The following STXBP6 variants were observed in gnomAD, a reference collection of about 807,000 sequenced individuals.
STXBP6 encodes syntaxin-binding protein 6.
A neutral mutation model predicts 26.9 loss-of-function variants in STXBP6; 21 were observed. That is an observed-to-expected ratio of 0.78 (90% CI 0.55 to 1.12). The LOEUF (loss-of-function observed/expected upper bound fraction) is 1.12. Ranked by LOEUF, STXBP6 falls within the 50% of genes most tolerant of loss-of-function variation. The pLI, the probability that STXBP6 is intolerant of heterozygous loss-of-function variation, is 0.00. For missense variants in STXBP6, 232 were observed against 257.9 expected (o/e 0.90, Z 0.69); for synonymous variants, 97 against 92.6 (o/e 1.05, Z -0.27).
At chr14:24,946,411 A>G (rs557999229) in intron 2 of STXBP6, among the ~76,000 whole-genome samples, 30 of 152,342 alleles carry the variant, frequency 2.0e-4, no homozygotes, top group African/African-American at 6.3e-4. Context: ...CAATGGAGAC[A>G]AAACCAAAAG....
At chr14:24,883,449 T>C (rs2070450187) in intron 2 of STXBP6, among the ~76,000 whole-genome samples, 1 of 152,214 alleles carries the variant, frequency 6.6e-6, no homozygotes, top group Non-Finnish European at 1.5e-5. Context: ...TATACCACTA[T>C]TACTTTGGTA....
At chr14:24,878,804 G>T (rs2070244538) in intron 2 of STXBP6, 6 of 452,536 alleles carry the variant, frequency 1.3e-5, no homozygotes, top group Admixed American at 9.4e-5. Context: ...CTTTGAAGCT[G>T]ACTTGATATC....
At chr14:24,862,371 G>A (rs768085772) in intron 2 of STXBP6, among the ~76,000 whole-genome samples, 1 of 152,010 alleles carries the variant, frequency 6.6e-6, no homozygotes, top group Non-Finnish European at 1.5e-5. Flanking sequence ...CAACAAAAAC[G>A]GTGGTACTTC....
intron 2 of STXBP6, among the ~76,000 whole-genome samples, chr14:24,929,752 C>A (rs1435799614): frequency 6.6e-6 from 1 of 152,170 alleles, no homozygotes; most frequent in Non-Finnish European, 1.5e-5. Flanking sequence ...GTCAAATGAC[C>A]TCTCCTTCGC....
chr14:24,834,683 T>C (rs907434161), intron 4 of STXBP6, among the ~76,000 whole-genome samples: 9 of 152,130 alleles, frequency 5.9e-5, no homozygotes, highest in Admixed American at 3.9e-4. Flanking sequence ...GATTAGACCA[T>C]TGTAAATATT....
chr14:24,894,035 T>C (rs2139563448), intron 2 of STXBP6, among the ~76,000 whole-genome samples: 1 of 152,332 alleles, frequency 6.6e-6, no homozygotes, highest in East Asian at 1.9e-4. Context: ...ACAGGTTCTA[T>C]GGTAAAAGTA....
At chr14:25,014,464 C>CTAAA (rs1639750705) in intron 1 of STXBP6, among the ~76,000 whole-genome samples, 1 of 152,036 alleles carries the variant, frequency 6.6e-6, no homozygotes, top group Non-Finnish European at 1.5e-5. Flanking sequence ...GACCCTGTCT[C>CTAAA]TAAATAAATA....
At chr14:24,963,111 C>T (rs1237248967) in intron 2 of STXBP6, among the ~76,000 whole-genome samples, 2 of 151,980 alleles carry the variant, frequency 1.3e-5, no homozygotes, top group Non-Finnish European at 2.9e-5. Flanking sequence ...TTTTTTTCCC[C>T]TTGGTTTCAT....
At chr14:24,872,656 G>A (rs770389252) in intron 2 of STXBP6, among the ~76,000 whole-genome samples, 3 of 152,190 alleles carry the variant, frequency 2.0e-5, no homozygotes, top group Non-Finnish European at 4.4e-5. Flanking sequence ...GGAAGTCAAC[G>A]AGAGTAGGGA....
intron 2 of STXBP6, among the ~76,000 whole-genome samples, chr14:24,965,190 G>C (rs2073694628): frequency 6.6e-6 from 1 of 151,972 alleles, no homozygotes; most frequent in Admixed American, 6.6e-5. Context: ...AGACTGGAGA[G>C]GATGCAAACC....
intron 1 of STXBP6, among the ~76,000 whole-genome samples, chr14:25,011,268 C>T (rs1595310865): frequency 6.6e-6 from 1 of 152,168 alleles, no homozygotes; most frequent in Non-Finnish European, 1.5e-5. Context: ...GACACACAGG[C>T]TCTGATCCAA....
chr14:24,912,441 CAAAAA>C (rs373713561), intron 2 of STXBP6, among the ~76,000 whole-genome samples: 5 of 101,100 alleles, frequency 4.9e-5, no homozygotes, highest in Non-Finnish European at 8.6e-5. Context: ...AAGTGAATGC[CAAAAA>C]AAAAAAAAAA....
chr14:24,829,884 G>C (rs749756036), intron 4 of STXBP6, among the ~76,000 whole-genome samples: 6 of 151,974 alleles, frequency 3.9e-5, no homozygotes, highest in Admixed American at 1.3e-4. Context: ...TAAAAAATAC[G>C]TTATAATAAA....
chr14:24,819,675 A>G (rs1301827735), intron 4 of STXBP6, among the ~76,000 whole-genome samples: 5 of 152,222 alleles, frequency 3.3e-5, no homozygotes, highest in Non-Finnish European at 7.3e-5. Context: ...AGAATGCTCT[A>G]TATTCCTTCC....
At chr14:25,024,815 G>A (rs1034065580) in intron 1 of STXBP6, among the ~76,000 whole-genome samples, 1 of 152,138 alleles carries the variant, frequency 6.6e-6, no homozygotes, top group African/African-American at 2.4e-5. Context: ...ACTTACAGTT[G>A]ACTATTAATT....
intron 4 of STXBP6, among the ~76,000 whole-genome samples, chr14:24,833,951 C>T (rs1483555354): frequency 6.6e-6 from 1 of 152,160 alleles, no homozygotes; most frequent in African/African-American, 2.4e-5. Flanking sequence ...GATTTTCACA[C>T]CTCCTCTGTT....
intron 1 of STXBP6, among the ~76,000 whole-genome samples, chr14:25,014,837 T>A (rs1279637988): frequency 1.3e-5 from 2 of 152,240 alleles, no homozygotes; most frequent in East Asian, 3.8e-4. Context: ...AGAAAATACA[T>A]GAAAACAGTA....
At position 25,049,904 on chromosome 14, in the gene STXBP6, G is replaced by C; in HGVS notation, c.-59C>G. On this transcript the variant is annotated 5_prime_UTR_variant, in exon 1 of 6. Transcript: ENST00000323944. This position sits in a 1 kb window ranked among gnomAD's most constrained non-coding sequence, Gnocchi z 5.6. The stretch of plus-strand genomic sequence containing the variant: ...GTGCAGCCTGGCTCGCGCCCCTGCC[G>C]TGCCAGTGCGCGGCACGCGTCCCAG... 1 of 982,394 alleles carries C rather than the reference G, an allele frequency of 1.0e-6. No individual in the cohort carries two copies. Among genetic ancestry groups the C allele is most frequent in the African/African-American group, 1.7e-5 (1 of 57,252 alleles). 60.9% of individuals were successfully genotyped at this position (982,394 alleles called of 1,614,324 possible).
intron 2 of STXBP6, among the ~76,000 whole-genome samples, chr14:24,921,944 G>A (rs929956350): frequency 1.3e-5 from 2 of 151,738 alleles, no homozygotes; most frequent in Non-Finnish European, 2.9e-5. Context: ...CACTGCCCTT[G>A]GTAATACACC....
Sources: gnomAD v4.1 joint callset for allele counts (sites outside exome capture counted in the v4.1 genomes callset) on GRCh38, gnomAD v4.1.1 for gene constraint, Gnocchi (gnomAD v3.1) non-coding constraint, MANE v1.5 for transcripts, NCBI Gene and HGNC (gene_info 2026-07-23, HGNC 2026-07-21) for gene names.